Variants in HACE1 observed in about 807,000 individuals in gnomAD.
HACE1 encodes the protein E3 ubiquitin-protein ligase HACE1.
In HACE1, 73 loss-of-function variants were observed where a neutral mutation model predicts 118.4. The ratio of observed to expected loss-of-function variants is 0.62; its 90% confidence interval spans 0.51 to 0.75. The LOEUF (loss-of-function observed/expected upper bound fraction) is 0.75, where lower values mean the gene tolerates loss of function less well. Ranked by LOEUF, HACE1 falls within the 30% of genes least tolerant of loss-of-function variation. HACE1 has a pLI of 0.00. For missense variants in HACE1, 749 were observed against 1,102.2 expected (o/e 0.68, Z 4.54); for synonymous variants, 368 against 374.8 (o/e 0.98, Z 0.21).
intron 22 of HACE1, among the ~76,000 whole-genome samples, chr6:104,743,830 A>AAAATAATATAC (rs1259325981): frequency 1.7e-3 from 140 of 84,048 alleles, no homozygotes; most frequent in Non-Finnish European, 2.2e-3. Flanking sequence ...TACAAATATT[A>AAAATAATATAC]AAATATTAAA....
chr6:104,838,662 C>A (rs557298595), intron 5 of HACE1, among the ~76,000 whole-genome samples: 3 of 151,902 alleles, frequency 2.0e-5, no homozygotes, highest in Non-Finnish European at 4.4e-5. Context: ...TTGAGTAATA[C>A]CCCTTGAGCA....
At chr6:104,770,140 T>C (rs1229537209) in intron 19 of HACE1, among the ~76,000 whole-genome samples, 2 of 152,196 alleles carry the variant, frequency 1.3e-5, no homozygotes, top group Non-Finnish European at 2.9e-5. Flanking sequence ...AATGGCTCAG[T>C]GAACATTGTT....
Position 104,825,406 on chromosome 6 carries a change from C to T in HACE1, c.534+7636G>A, listed in dbSNP as rs190386257. Among the ~76,000 whole-genome samples the T allele has an allele frequency of 1.8e-3, 268 of 152,316 alleles. 2 individuals are homozygous for T. The highest frequency in any genetic ancestry group is 2.7e-3 in the Admixed American group (41 of 15,306). On this transcript the variant is annotated intron_variant, in intron 6 of 23. Coordinates refer to ENST00000262903, the MANE Select transcript of HACE1 (RefSeq NM_020771.4). ...TCTAACTCTGTAACTTCACTTCAGC[C>T]TCGGATTGGTTGCACACAGCAACCA...
chr6:104,753,231 T>G (rs747781162), intron 19 of HACE1, among the ~76,000 whole-genome samples: 12 of 152,220 alleles, frequency 7.9e-5, no homozygotes, highest in Non-Finnish European at 1.8e-4. Flanking sequence ...GACAGCGCTT[T>G]GGTATCTCAC....
intron 17 of HACE1, among the ~76,000 whole-genome samples, chr6:104,772,427 A>G (rs1250225470): frequency 6.6e-6 from 1 of 152,134 alleles, no homozygotes; most frequent in Non-Finnish European, 1.5e-5. Flanking sequence ...GCACATATAC[A>G]CAGTTTCCTA....
chr6:104,834,521 G>A (rs1195463810), intron 5 of HACE1, among the ~76,000 whole-genome samples: 2 of 151,956 alleles, frequency 1.3e-5, no homozygotes, highest in African/African-American at 4.8e-5. Context: ...AGAAAATCAT[G>A]AAATCCCTGT....
At position 104,754,171 on chromosome 6, in the gene HACE1, G is replaced by A. The variant is rs776098232; in HGVS notation, c.2212-3699C>T. Among the ~76,000 whole-genome samples the A allele has an allele frequency of 5.1e-4, 73 of 143,570 alleles. 1 individual carries two copies. The highest frequency in any genetic ancestry group is 2.0e-3 in the African/African-American group (73 of 36,964). The allele number at this position is 143,570 out of a possible 152,430, so 94.2% of individuals were successfully genotyped here. A position where few individuals can be genotyped will look rare whatever the true frequency, so the allele number is the denominator to read the frequency against. On this transcript the variant is annotated intron_variant, in intron 19 of 23. Transcript: ENST00000262903. ...GAAAGAACCTCAGAGCTTGAAGACT[G>A]TCCAAAATAAGACAGGCAGACAATA...
chr6:104,849,458 T>G (rs939381834), intron 3 of HACE1, among the ~76,000 whole-genome samples: 3 of 151,064 alleles, frequency 2.0e-5, no homozygotes, highest in African/African-American at 7.3e-5. Context: ...CACCTCAGCC[T>G]CCCAAGTAGC....
chr6:104,733,712 A>C (rs189155401), intron 22 of HACE1, among the ~76,000 whole-genome samples: 70 of 151,294 alleles, frequency 4.6e-4, no homozygotes, highest in Non-Finnish European at 8.8e-4. Flanking sequence ...AGCCAGGCGA[A>C]GTGATGTGTG....
chr6:104,770,274 C>CATATG (rs2114702979), intron 19 of HACE1, among the ~76,000 whole-genome samples: 1 of 152,174 alleles, frequency 6.6e-6, no homozygotes, highest in Non-Finnish European at 1.5e-5. Flanking sequence ...AACTAGAATT[C>CATATG]ATATGATATT....
intron 19 of HACE1, among the ~76,000 whole-genome samples, chr6:104,768,112 C>T (rs1780205706): frequency 6.6e-6 from 1 of 152,030 alleles, no homozygotes. Context: ...TAACATATTG[C>T]TTTTTAAATT....
chr6:104,802,113 A>C (rs907129741), intron 7 of HACE1, among the ~76,000 whole-genome samples: 2 of 152,180 alleles, frequency 1.3e-5, no homozygotes, highest in Non-Finnish European at 2.9e-5. Context: ...ATCAAAACAG[A>C]CAAGGAAGGA....
At chr6:104,773,744 TA>T (rs1780877458) in intron 17 of HACE1, among the ~76,000 whole-genome samples, 1 of 149,820 alleles carries the variant, frequency 6.7e-6, no homozygotes, top group African/African-American at 2.5e-5. Flanking sequence ...TCTAGATGCT[TA>T]AAAAGAATAG....
At chr6:104,748,363 C>T (rs1340959983) in intron 20 of HACE1, among the ~76,000 whole-genome samples, 1 of 151,904 alleles carries the variant, frequency 6.6e-6, no homozygotes, top group Non-Finnish European at 1.5e-5. Context: ...CAGGTAAATA[C>T]AAATTAAAAT....
chr6:104,854,486 G>A (rs1174022846), intron 1 of HACE1, among the ~76,000 whole-genome samples: 9 of 152,046 alleles, frequency 5.9e-5, no homozygotes, highest in Non-Finnish European at 1.3e-4. Context: ...TTTTCTGTAA[G>A]TTTAAAATTA....
intron 1 of HACE1, among the ~76,000 whole-genome samples, chr6:104,854,778 A>AAC (rs1431191569): frequency 6.6e-6 from 1 of 152,126 alleles, no homozygotes; most frequent in African/African-American, 2.4e-5. Context: ...TAGAAATATA[A>AAC]ACTGAGCTAT....
chr6:104,749,196 A>G (rs1005828383), intron 20 of HACE1, among the ~76,000 whole-genome samples: 1 of 152,174 alleles, frequency 6.6e-6, no homozygotes, highest in Admixed American at 6.5e-5. Flanking sequence ...ATCCAAGCAC[A>G]GTACAGGAAA....
intron 22 of HACE1, among the ~76,000 whole-genome samples, chr6:104,741,909 T>A (rs895942769): frequency 2.6e-5 from 4 of 151,404 alleles, no homozygotes; most frequent in African/African-American, 9.8e-5. Context: ...GACTTCAAAC[T>A]ATACGACAAG....
At chr6:104,742,063 G>A (rs1244517694) in intron 22 of HACE1, among the ~76,000 whole-genome samples, 1 of 141,658 alleles carries the variant, frequency 7.1e-6, no homozygotes, top group Non-Finnish European at 1.5e-5. Flanking sequence ...AATGGGGAAA[G>A]GATTCCCTAT....
Sources: allele counts gnomAD v4.1 joint callset (sites outside exome capture counted in the v4.1 genomes callset), GRCh38; gene constraint gnomAD v4.1.1; transcripts MANE v1.5; gene names NCBI Gene and HGNC (gene_info 2026-07-23, HGNC 2026-07-21).